The following USP25 variants were observed in gnomAD, a reference collection of about 807,000 sequenced individuals.
USP25 encodes the protein ubiquitin carboxyl-terminal hydrolase 25.
Under a neutral mutation model 158.5 loss-of-function variants are expected in USP25, and 85 were observed. That is an observed-to-expected ratio of 0.54 (90% CI 0.45 to 0.64). The LOEUF (loss-of-function observed/expected upper bound fraction) is 0.64, where lower values mean the gene tolerates loss of function less well. USP25 is among the 30% of genes least tolerant of loss of function. USP25 has a pLI of 0.00. For synonymous variants in USP25, 464 were observed against 460.4 expected (o/e 1.01, Z -0.10); for missense variants, 1,242 against 1,327.3 (o/e 0.94, Z 1.00).
chr21:15,861,963 G>C lies in USP25; in HGVS notation c.2548-2305G>C, dbSNP rs182623054. Among the ~76,000 whole-genome samples the C allele has an allele frequency of 1.4e-3, 208 of 152,144 alleles. 1 individual carries two copies. Among genetic ancestry groups the C allele is most frequent in the African/African-American group, 3.7e-3 (154 of 41,554 alleles). ...AGAGTCTTAAATTCAGCAAAATCAA[G>C]AGGTGAACATATAATCTTAGAGTAT... is the stretch of plus-strand genomic sequence containing the variant. On this transcript the variant is annotated intron_variant, in intron 20 of 25. Transcript: ENST00000400183.
intron 4 of USP25, among the ~76,000 whole-genome samples, chr21:15,789,448 A>G (rs557471557): frequency 1.1e-4 from 17 of 152,212 alleles, no homozygotes; most frequent in African/African-American, 3.9e-4. Flanking sequence ...TGACATTATT[A>G]AGAAGGATTT....
At chr21:15,776,791 G>A (rs1420381277) in intron 3 of USP25, among the ~76,000 whole-genome samples, 1 of 152,076 alleles carries the variant, frequency 6.6e-6, no homozygotes, top group Admixed American at 6.6e-5. Flanking sequence ...AGTGAGCTGT[G>A]ATCATGCCAC....
chr21:15,871,636 T>A (rs140348503), intron 23 of USP25, among the ~76,000 whole-genome samples: 1 of 152,204 alleles, frequency 6.6e-6, no homozygotes, highest in Non-Finnish European at 1.5e-5. Flanking sequence ...GGATAGCTTC[T>A]GTATTAGTTG....
chr21:15,810,709 G>C (rs1274026977), intron 8 of USP25, among the ~76,000 whole-genome samples: 1 of 152,096 alleles, frequency 6.6e-6, no homozygotes, highest in African/African-American at 2.4e-5. Flanking sequence ...TGTAAATACA[G>C]GAAATAACCT....
intron 23 of USP25, among the ~76,000 whole-genome samples, chr21:15,873,681 C>T (rs1386227216): frequency 2.0e-5 from 3 of 151,770 alleles, no homozygotes; most frequent in South Asian, 2.1e-4. Context: ...TTAGTAGAGG[C>T]GGGGTTTCTC....
At chr21:15,761,669 G>A (rs1194920150) in intron 1 of USP25, among the ~76,000 whole-genome samples, 1 of 152,224 alleles carries the variant, frequency 6.6e-6, no homozygotes, top group Non-Finnish European at 1.5e-5. Flanking sequence ...CACTGCACCT[G>A]TGGACAGCCA....
chr21:15,760,543 G>A (rs1175511896), intron 1 of USP25, among the ~76,000 whole-genome samples: 1 of 152,128 alleles, frequency 6.6e-6, no homozygotes, highest in Non-Finnish European at 1.5e-5. Flanking sequence ...AAAGATACTT[G>A]GGCTGCAATA....
chr21:15,818,926 A>T, intron 10 of USP25, 80 bp downstream of exon 10: 1 of 1,446,662 alleles, frequency 6.9e-7, no homozygotes, highest in Middle Eastern at 1.8e-4. Context: ...GGTTCTAATT[A>T]TAGAGCTACC....
intron 17 of USP25, among the ~76,000 whole-genome samples, chr21:15,839,168 A>G (rs1601087713): frequency 6.6e-6 from 1 of 152,162 alleles, no homozygotes; most frequent in East Asian, 1.9e-4. Context: ...GTTTGTTTCC[A>G]GTCTCCCAGG....
rs1784527583 is a variant in USP25 at position 15,826,052 on chromosome 21, A to G, written c.1305-152A>G. 3.4e-6 allele frequency: 3 copies of G among 871,244 alleles called. No homozygotes were observed. Among genetic ancestry groups the G allele is most frequent in the South Asian group, 3.8e-5 (2 of 51,992 alleles). The allele number at this position is 871,244 out of a possible 1,614,324, so 54.0% of individuals were successfully genotyped here. A position where few individuals can be genotyped will look rare whatever the true frequency, so the allele number is the denominator to read the frequency against. On this transcript the variant is annotated intron_variant, in intron 12 of 25. Coordinates refer to ENST00000400183, the MANE Select transcript of USP25 (RefSeq NM_001283041.3). The surrounding 1 kb of genome is among the most constrained non-coding windows in gnomAD (Gnocchi z 4.8). ...AACTTTTAATGTTTTTCTTAAGTGTATATTCAGTTTTACCATCTTCGTTTT... is the reference window on the plus strand; with the variant it reads ...AACTTTTAATGTTTTTCTTAAGTGTGTATTCAGTTTTACCATCTTCGTTTT...
chr21:15,834,035 GTT>G (rs2037939601), intron 17 of USP25, among the ~76,000 whole-genome samples: 5 of 152,114 alleles, frequency 3.3e-5, no homozygotes, highest in Admixed American at 3.3e-4. Context: ...ACTATTTGAT[GTT>G]TTTCGGAATT....
rs1015940544 is a variant in USP25, at chr21:15,761,732, T to C, written c.46-1159T>C. 3.9e-5 allele frequency among the ~76,000 whole-genome samples: 6 copies of C among 152,186 alleles called. No individual in the cohort carries two copies. The East Asian group carries it at 5.8e-4, about 15-fold the overall frequency. ...AATGCAAACCCTGGAAGCATGCCAG[T>C]GTATAAAACCCCAAGTCAAAGGTCA... On this transcript the variant is annotated intron_variant, in intron 1 of 25. Transcript: ENST00000400183.
intron 7 of USP25, among the ~76,000 whole-genome samples, chr21:15,808,338 A>G (rs1036426559): frequency 6.6e-6 from 1 of 151,830 alleles, no homozygotes; most frequent in Non-Finnish European, 1.5e-5. Context: ...TGGCTTAAAA[A>G]GTTGTGTGTG....
At chr21:15,862,977 A>C (rs2039497174) in intron 20 of USP25, among the ~76,000 whole-genome samples, 1 of 152,002 alleles carries the variant, frequency 6.6e-6, no homozygotes, top group South Asian at 2.1e-4. Flanking sequence ...AGAATTACTT[A>C]AGAAAGGCAT....
At chr21:15,838,368 G>A (rs2038162555) in intron 17 of USP25, among the ~76,000 whole-genome samples, 2 of 152,078 alleles carry the variant, frequency 1.3e-5, no homozygotes, top group Non-Finnish European at 2.9e-5. Context: ...GATCCTCAGT[G>A]TAGGAGAACA....
At chr21:15,863,469 C>T (rs2039518958) in intron 20 of USP25, among the ~76,000 whole-genome samples, 1 of 152,090 alleles carries the variant, frequency 6.6e-6, no homozygotes. Context: ...AAGTTAATTG[C>T]AATAATACGA....
chr21:15,852,269 T>A (rs2038924325), intron 20 of USP25, among the ~76,000 whole-genome samples: 1 of 152,080 alleles, frequency 6.6e-6, no homozygotes, highest in South Asian at 2.1e-4. Context: ...TTTTTTTTTC[T>A]GCTGGAAAAA....
Position 15,841,050 on chromosome 21 carries a change from G to A in USP25, c.2195-1348G>A, listed in dbSNP as rs958163230. 4.6e-5 allele frequency among the ~76,000 whole-genome samples: 7 copies of A among 152,120 alleles called. No individual in the cohort carries two copies. In the South Asian group the frequency reaches 1.2e-3, roughly 27 times the overall value. On this transcript the variant is annotated intron_variant, in intron 17 of 25. Transcript: ENST00000400183. Reference sequence around the variant, plus strand: ...AAAGGCTATTGCAGTCCAAAATCAGGAAATGATTTAATGAGGACATTAAAC... The same window carrying A: ...AAAGGCTATTGCAGTCCAAAATCAGAAAATGATTTAATGAGGACATTAAAC...
chr21:15,826,829 C>A lies in USP25; in HGVS notation c.1467-148C>A. The stretch of plus-strand genomic sequence containing the variant: ...AATTTAGTTCTTATGTATTAAAAAT[C>A]TCATTTGGATGTTAGATCAATCCAC... On this transcript the variant is annotated intron_variant, in intron 13 of 25. Coordinates refer to ENST00000400183, the MANE Select transcript of USP25 (RefSeq NM_001283041.3). This position sits in a 1 kb window ranked among gnomAD's most constrained non-coding sequence, Gnocchi z 4.8. 1.5e-6 allele frequency: 1 copy of A among 674,228 alleles called. No individual in the cohort carries two copies. Among genetic ancestry groups the A allele is most frequent in the Non-Finnish European group, 2.4e-6 (1 of 412,322 alleles). 41.8% of individuals were successfully genotyped at this position (674,228 alleles called of 1,614,324 possible). A position where few individuals can be genotyped will look rare whatever the true frequency, so the allele number is the denominator to read the frequency against.
Sources: gnomAD v4.1 joint callset for allele counts (sites outside exome capture counted in the v4.1 genomes callset) on GRCh38, gnomAD v4.1.1 for gene constraint, Gnocchi (gnomAD v3.1) non-coding constraint, MANE v1.5 for transcripts, NCBI Gene and HGNC (gene_info 2026-07-23, HGNC 2026-07-21) for gene names.